TPST1: variants seen among roughly 807,000 people sequenced by gnomAD.
TPST1 encodes protein-tyrosine sulfotransferase 1.
A neutral mutation model predicts 34.8 loss-of-function variants in TPST1; 20 were observed. That is an observed-to-expected ratio of 0.57 (90% CI 0.40 to 0.84). The LOEUF (loss-of-function observed/expected upper bound fraction) is 0.84, where lower values mean the gene tolerates loss of function less well. Among genes scored for constraint, TPST1 ranks in the 40% least tolerant of loss-of-function variants. The probability of loss-of-function intolerance (pLI) is 0.00; values close to 1 mark genes in which losing one functional copy is unlikely to be tolerated. For synonymous variants in TPST1, 152 were observed against 159.4 expected, an observed-to-expected ratio of 0.95 and a Z score of 0.35; for missense variants, 353 against 455.5, an observed-to-expected ratio of 0.78 and a Z score of 2.05.
intron 3 of TPST1, among the ~76,000 whole-genome samples, chr7:66,319,736 T>G (rs1299088738): frequency 6.6e-6 from 1 of 152,220 alleles, no homozygotes; most frequent in Non-Finnish European, 1.5e-5. Context: ...AAATACTGAC[T>G]TGATAGGCAA....
intron 1 of TPST1, among the ~76,000 whole-genome samples, chr7:66,235,858 C>T (rs538601835): frequency 1.3e-5 from 2 of 152,096 alleles, no homozygotes; most frequent in African/African-American, 2.4e-5. Flanking sequence ...AGACTTGAAG[C>T]GGGGAAGGGG....
chr7:66,317,569 T>C (rs1415777851), intron 3 of TPST1, among the ~76,000 whole-genome samples: 1 of 152,162 alleles, frequency 6.6e-6, no homozygotes, highest in Non-Finnish European at 1.5e-5. Flanking sequence ...ATATCGTTTT[T>C]ATAAATTTCA....
chr7:66,269,000 A>T (rs929298751), intron 2 of TPST1, among the ~76,000 whole-genome samples: 3 of 152,364 alleles, frequency 2.0e-5, no homozygotes, highest in African/African-American at 2.4e-5. Context: ...AGACATTTTT[A>T]AAAAATGATA....
intron 2 of TPST1, among the ~76,000 whole-genome samples, chr7:66,276,349 A>C (rs2115846445): frequency 1.2e-5 from 1 of 80,982 alleles, no homozygotes; most frequent in East Asian, 3.2e-4. Context: ...TTTCTTCTTA[A>C]ATTTTAAAAA....
chr7:66,207,967 A>G (rs151202747), intron 1 of TPST1, among the ~76,000 whole-genome samples: 1 of 151,768 alleles, frequency 6.6e-6, no homozygotes, highest in East Asian at 1.9e-4. Flanking sequence ...CTCTCTTCAT[A>G]ACATCTTTTT....
chr7:66,341,826 T>C (rs973514191), intron 3 of TPST1, among the ~76,000 whole-genome samples: 1 of 152,212 alleles, frequency 6.6e-6, no homozygotes, highest in African/African-American at 2.4e-5. Context: ...TAATTAATAT[T>C]CTTGTAGAGG....
chr7:66,355,861 C>T (rs929911229), intron 4 of TPST1, among the ~76,000 whole-genome samples: 4 of 145,106 alleles, frequency 2.8e-5, no homozygotes, highest in Admixed American at 1.4e-4. Context: ...ACCGAGATTG[C>T]GCCACTGCAT....
At chr7:66,341,464 A>G (rs904412351) in intron 3 of TPST1, among the ~76,000 whole-genome samples, 1 of 152,094 alleles carries the variant, frequency 6.6e-6, no homozygotes, top group Non-Finnish European at 1.5e-5. Flanking sequence ...TATTTTTGGT[A>G]GAGATGGGTT....
At chr7:66,343,488 A>C (rs1288455157) in intron 3 of TPST1, among the ~76,000 whole-genome samples, 4 of 152,136 alleles carry the variant, frequency 2.6e-5, no homozygotes, top group Non-Finnish European at 5.9e-5. Flanking sequence ...GATCAGTTGT[A>C]CCCCAGACGT....
chr7:66,321,784 G>A (rs929285323), intron 3 of TPST1, among the ~76,000 whole-genome samples: 4 of 152,076 alleles, frequency 2.6e-5, no homozygotes, highest in East Asian at 1.9e-4. Context: ...TTTCTTCCTC[G>A]TGTCTATTGA....
At chr7:66,202,947 G>T (rs1237289184), upstream of TPST1, among the ~76,000 whole-genome samples, 5 of 152,076 alleles carry the variant, frequency 3.3e-5, no homozygotes, top group Non-Finnish European at 7.4e-5. Context: ...ATGGTGGCAG[G>T]CGCCTGTAAT....
chr7:66,351,293 G>A (rs1317519934), intron 3 of TPST1, among the ~76,000 whole-genome samples: 2 of 152,104 alleles, frequency 1.3e-5, no homozygotes, highest in Non-Finnish European at 2.9e-5. Flanking sequence ...TTTTGTTACT[G>A]TATAGTGTAT....
chr7:66,320,245 CTTTTTTTTTTTT>C (rs569746911), intron 3 of TPST1, among the ~76,000 whole-genome samples: 1 of 126,388 alleles, frequency 7.9e-6, no homozygotes, highest in East Asian at 2.3e-4. Context: ...TTTTCTTTTT[CTTTTTTTTTTTT>C]TTTTTTTTGA....
chr7:66,267,569 A>G (rs942972734), intron 2 of TPST1, among the ~76,000 whole-genome samples: 1 of 152,204 alleles, frequency 6.6e-6, no homozygotes, highest in African/African-American at 2.4e-5. Context: ...TCATCCCCAA[A>G]TTGCAGAATA....
intron 3 of TPST1, among the ~76,000 whole-genome samples, chr7:66,304,289 T>A (rs1345630234): frequency 6.6e-6 from 1 of 152,176 alleles, no homozygotes; most frequent in African/African-American, 2.4e-5. Flanking sequence ...TGCCTCTCGC[T>A]GCCAAAGTAG....
At chr7:66,359,346 T>A (rs532446757) in intron 5 of TPST1, 2 of 139,970 alleles carry the variant, frequency 1.4e-5, no homozygotes, top group East Asian at 4.4e-4. Context: ...ACATGAGGAA[T>A]CAGGGTGCTG....
intron 3 of TPST1, among the ~76,000 whole-genome samples, chr7:66,334,140 A>T (rs992542692): frequency 6.6e-6 from 1 of 152,162 alleles, no homozygotes; most frequent in Non-Finnish European, 1.5e-5. Flanking sequence ...TACTAAAAAT[A>T]GGGAGGTTGA....
intron 3 of TPST1, among the ~76,000 whole-genome samples, chr7:66,329,161 C>A (rs1791946524): frequency 1.3e-5 from 2 of 151,748 alleles, no homozygotes; most frequent in Non-Finnish European, 2.9e-5. Context: ...CAATCTGCCT[C>A]AGGCAGGAAT....
At chr7:66,261,826 A>G (rs1174780883) in intron 2 of TPST1, among the ~76,000 whole-genome samples, 1 of 152,166 alleles carries the variant, frequency 6.6e-6, no homozygotes, top group Non-Finnish European at 1.5e-5. Context: ...GGTTGTTAAT[A>G]AGGTTTAAAT....
Sources: allele counts gnomAD v4.1 joint callset (sites outside exome capture counted in the v4.1 genomes callset), GRCh38; gene constraint gnomAD v4.1.1; transcripts MANE v1.5; gene names NCBI Gene and HGNC (gene_info 2026-07-23, HGNC 2026-07-21).